The following KIF24 variants were observed in gnomAD, a reference collection of about 807,000 sequenced individuals.
KIF24 encodes kinesin family member 24, also known as kinesin-like protein KIF24.
A neutral mutation model predicts 118.9 loss-of-function variants in KIF24; 81 were observed. The ratio of observed to expected loss-of-function variants is 0.68; its 90% CI spans 0.57 to 0.82. The LOEUF is 0.82. KIF24 is among the 40% of genes least tolerant of loss of function. The probability of loss-of-function intolerance (pLI) is 0.00; values close to 1 mark genes in which losing one functional copy is unlikely to be tolerated. For missense variants in KIF24, 1,560 were observed against 1,661.6 expected, an observed-to-expected ratio of 0.94 and a Z score of 1.06; for synonymous variants, 599 against 610.0, an observed-to-expected ratio of 0.98 and a Z score of 0.27.
intron 4 of KIF24, among the ~76,000 whole-genome samples, chr9:34,290,837 TG>T (rs1392995826): frequency 6.6e-6 from 1 of 152,124 alleles, no homozygotes; most frequent in African/African-American, 2.4e-5. Flanking sequence ...TGACCTCAAA[TG>T]ATCTGCCCAC....
upstream of KIF24, among the ~76,000 whole-genome samples, chr9:34,333,381 C>T (rs1000272276): frequency 6.6e-6 from 1 of 152,050 alleles, no homozygotes; most frequent in African/African-American, 2.4e-5. Context: ...AATCCCAGCA[C>T]TTTGGGAGGC....
chr9:34,327,423 A>G (rs1175569196), intron 1 of KIF24, among the ~76,000 whole-genome samples: 2 of 152,186 alleles, frequency 1.3e-5, no homozygotes, highest in African/African-American at 4.8e-5. Flanking sequence ...GGTTGCCCCA[A>G]GGACACACTC....
intron 10 of KIF24, 61 bp from the exon 11 acceptor site, chr9:34,258,042 T>C (rs966077757): frequency 1.7e-5 from 22 of 1,293,952 alleles, no homozygotes; most frequent in Non-Finnish European, 1.7e-5. Context: ...TCCTTTTCTA[T>C]AGCTTTCTGG....
At chr9:34,262,901 G>T (rs533871443) in intron 9 of KIF24, among the ~76,000 whole-genome samples, 200 bp downstream of exon 9, 6 of 151,504 alleles carry the variant, frequency 4.0e-5, no homozygotes, top group Non-Finnish European at 5.9e-5. Context: ...AAGCATTTCA[G>T]ATTTCAGATT....
upstream of KIF24, among the ~76,000 whole-genome samples, chr9:34,332,083 T>G (rs772588207): frequency 3.9e-5 from 6 of 152,238 alleles, no homozygotes; most frequent in Non-Finnish European, 8.8e-5. Flanking sequence ...CTGTCCTAAT[T>G]CGTTCCCCAG....
intron 8 of KIF24, among the ~76,000 whole-genome samples, chr9:34,263,582 C>T (rs1439668030): frequency 2.0e-5 from 3 of 152,170 alleles, no homozygotes; most frequent in Non-Finnish European, 4.4e-5. Context: ...CACTTCCCCA[C>T]TCCCTGCTCA....
intron 3 of KIF24, among the ~76,000 whole-genome samples, chr9:34,302,382 T>C (rs796414344): frequency 5.3e-5 from 8 of 151,756 alleles, no homozygotes; most frequent in Middle Eastern, 3.4e-3. Context: ...CAGCTTACTA[T>C]AGTCTCAACC....
chr9:34,327,846 A>AT (rs60906115), intron 1 of KIF24, among the ~76,000 whole-genome samples: 21 of 149,690 alleles, frequency 1.4e-4, no homozygotes, highest in African/African-American at 3.7e-4. Context: ...AATAAAAAAA[A>AT]AATAATAATA....
upstream of KIF24, among the ~76,000 whole-genome samples, chr9:34,330,083 T>TAAAC (rs1023727763): frequency 6.6e-6 from 1 of 152,188 alleles, no homozygotes; most frequent in East Asian, 1.9e-4. Context: ...CCCACCGCCT[T>TAAAC]AAACAAACAA....
chr9:34,270,697 A>T (rs1835471734), intron 7 of KIF24, among the ~76,000 whole-genome samples: 10 of 150,238 alleles, frequency 6.7e-5, no homozygotes, highest in Admixed American at 6.6e-4. Flanking sequence ...GGCTCAAGAG[A>T]TTCTCTCACC....
intron 1 of KIF24, among the ~76,000 whole-genome samples, chr9:34,326,800 AG>A (rs1837685659): frequency 6.6e-6 from 1 of 152,172 alleles, no homozygotes; most frequent in African/African-American, 2.4e-5. Flanking sequence ...TGAAGTAGGA[AG>A]TCATTAGAGG....
chr9:34,271,004 A>T (rs532669625), intron 7 of KIF24, among the ~76,000 whole-genome samples: 1 of 151,616 alleles, frequency 6.6e-6, no homozygotes, highest in Admixed American at 6.6e-5. Context: ...CTGAGGCAGG[A>T]GGAATGCTTG....
chr9:34,256,624 G>A lies in KIF24; in HGVS notation c.2983C>T (p.Pro995Ser). 1 of 1,613,902 alleles carries A rather than the reference G, an allele frequency of 6.2e-7. No individual in the cohort carries two copies. Among genetic ancestry groups the A allele is most frequent in the African/African-American group, 1.3e-5 (1 of 75,024 alleles). ...GTGTCTCTTTGGTCTGGGGATCCAGGAACTGCAACGTGGGACAATGAGATA... is the reference window on the plus strand; with the variant it reads ...GTGTCTCTTTGGTCTGGGGATCCAGAAACTGCAACGTGGGACAATGAGATA... Reference protein sequence around the residue: ...FTISLSHVAVPGSPDQRDTVT... With the variant: ...FTISLSHVAVSGSPDQRDTVT... Residue 995 changes from proline (P) to serine (S), a missense_variant, in exon 11 of 13, where the codon CCT (proline) becomes TCT (serine). Transcript: ENST00000402558.
intron 9 of KIF24, 147 bp from the exon 10 acceptor site, chr9:34,259,852 C>G: frequency 3.4e-6 from 2 of 584,880 alleles, no homozygotes; most frequent in South Asian, 4.1e-5. Context: ...TACAAATGGC[C>G]AATAAACACA....
rs375695589 is a variant in KIF24, at chr9:34,271,826, G to A, written c.1320C>T (p.Ala440=). The stretch of plus-strand genomic sequence containing the variant: ...CAGCTCACCTGCCAAATGTCCTCTT[G>A]GCTGAATCTTTGATCTGAATTTGGA... The part of the protein sequence containing the change: ...AVIQIQIKDS[A]KRTFGRISFI... Residue 440 remains alanine, a synonymous_variant, in exon 7 of 13, where the codon GCC becomes GCT. Coordinates refer to ENST00000402558, the MANE Select transcript of KIF24 (RefSeq NM_194313.4). 3 of 1,612,966 alleles carry A rather than the reference G, an allele frequency of 1.9e-6. No individual in the cohort carries two copies. The highest frequency in any genetic ancestry group is 2.5e-6 in the Non-Finnish European group (3 of 1,179,522).
intron 5 of KIF24, among the ~76,000 whole-genome samples, chr9:34,288,848 CCACACACACACACACACA>C (rs10537521): frequency 0.017 from 2,428 of 138,976 alleles, 86 homozygotes; most frequent in East Asian, 0.17. Context: ...CCCAAATAAA[CCACACACACACACACACA>C]CACACACACA....
At chr9:34,323,334 C>T (rs1211087668) in intron 1 of KIF24, among the ~76,000 whole-genome samples, 2 of 152,076 alleles carry the variant, frequency 1.3e-5, no homozygotes, top group African/African-American at 2.4e-5. Flanking sequence ...CTCAAGAGCC[C>T]CACAAAGAGT....
At chr9:34,290,978 G>T (rs1836234862) in intron 4 of KIF24, among the ~76,000 whole-genome samples, 1 of 152,120 alleles carries the variant, frequency 6.6e-6, no homozygotes, top group Non-Finnish European at 1.5e-5. Flanking sequence ...GGGCTTTAAA[G>T]AAACCACTTA....
chr9:34,254,456 C>T lies in KIF24; in HGVS notation c.4031G>A (p.Ser1344Asn). 6.2e-7 allele frequency: 1 copy of T among 1,613,904 alleles called. No individual in the cohort carries two copies. The highest frequency in any genetic ancestry group is 8.5e-7 in the Non-Finnish European group (1 of 1,179,854). The change falls in exon 13 of 13, where the codon AGT becomes AAT. Residue 1344 changes from serine to asparagine, a missense_variant. By Grantham distance (46) the Ser-to-Asn change is conservative. Around this residue, in one of 3 missense-constraint regions of KIF24, gnomAD observed 591 missense variants for 655.6 expected, o/e 0.90. Coordinates refer to ENST00000402558, the MANE Select transcript of KIF24 (RefSeq NM_194313.4). The stretch of plus-strand genomic sequence containing the variant: ...ATAGAGCTGCAGCTGGCTCCTCAGA[C>T]TCTGGATACACTTGGATTTCAGAAC... ...IMVLKSKCIQSLRSQLQLYLT... is the reference protein window; with the variant it reads ...IMVLKSKCIQNLRSQLQLYLT...
Sources: gnomAD v4.1 joint callset for allele counts (sites outside exome capture counted in the v4.1 genomes callset) on GRCh38, gnomAD v4.1.1 for gene constraint, gnomAD v4.1.1 regional missense constraint, MANE v1.5 for transcripts, NCBI Gene and HGNC (gene_info 2026-07-23, HGNC 2026-07-21) for gene names.